The following PRMT8 variants were observed in gnomAD, a reference collection of about 807,000 sequenced individuals.
PRMT8 encodes the protein protein arginine methyltransferase 8, also known as protein arginine N-methyltransferase 8.
Under a neutral mutation model 47.1 loss-of-function variants are expected in PRMT8, and 7 were observed. The ratio of observed to expected loss-of-function variants is 0.15; its 90% CI spans 0.08 to 0.28. The LOEUF is 0.28. Ranked by LOEUF, PRMT8 falls within the 10% of genes least tolerant of loss-of-function variation. The probability of loss-of-function intolerance (pLI) is 1.00; values close to 1 mark genes in which losing one functional copy is unlikely to be tolerated. For synonymous variants in PRMT8, 188 were observed against 186.5 expected (o/e 1.01, Z -0.07); for missense variants, 237 against 505.4 (o/e 0.47, Z 5.09).
chr12:3,481,248 C>T (rs768137477), intron 1 of PRMT8, among the ~76,000 whole-genome samples: 5 of 152,208 alleles, frequency 3.3e-5, no homozygotes, highest in South Asian at 4.2e-4. Flanking sequence ...CTCTCCTCCC[C>T]CAAGGCTTCC....
intron 1 of PRMT8, among the ~76,000 whole-genome samples, chr12:3,400,380 C>T (rs193072503): frequency 8.5e-5 from 13 of 152,216 alleles, no homozygotes; most frequent in African/African-American, 2.6e-4. Flanking sequence ...AATATAAATA[C>T]CTCTATGCAC....
At chr12:3,536,062 A>G (rs1297867677) in intron 1 of PRMT8, among the ~76,000 whole-genome samples, 2 of 152,152 alleles carry the variant, frequency 1.3e-5, no homozygotes, top group Admixed American at 1.3e-4. Flanking sequence ...CTGGATTCCT[A>G]TAAGTGTTCC....
At chr12:3,412,222 T>C (rs1864438318) in intron 1 of PRMT8, among the ~76,000 whole-genome samples, 1 of 152,182 alleles carries the variant, frequency 6.6e-6, no homozygotes, top group African/African-American at 2.4e-5. Context: ...TATTTGTGTA[T>C]CAAAACATCA....
chr12:3,419,105 A>G (rs1275694859), intron 1 of PRMT8, among the ~76,000 whole-genome samples: 1 of 152,168 alleles, frequency 6.6e-6, no homozygotes, highest in African/African-American at 2.4e-5. Flanking sequence ...ACCTCCTCAA[A>G]TATTCGTCCA....
intron 4 of PRMT8, among the ~76,000 whole-genome samples, chr12:3,561,501 G>T (rs547649275): frequency 6.6e-6 from 1 of 152,244 alleles, no homozygotes; most frequent in East Asian, 1.9e-4. Flanking sequence ...TGACTAAGAC[G>T]CCCTGCAGAT....
intron 1 of PRMT8, among the ~76,000 whole-genome samples, chr12:3,523,287 C>G (rs1865907498): frequency 6.6e-6 from 1 of 152,146 alleles, no homozygotes; most frequent in Non-Finnish European, 1.5e-5. Flanking sequence ...TATAAGGGCC[C>G]TACGCCACCT....
intron 4 of PRMT8, among the ~76,000 whole-genome samples, chr12:3,568,012 T>C (rs945841914): frequency 9.4e-5 from 14 of 149,418 alleles, no homozygotes; most frequent in African/African-American, 1.5e-4. Flanking sequence ...GCGGAGGTTG[T>C]GGTGAGCAGA....
rs1000901123 is a variant in PRMT8, at chr12:3,535,906, G to T, written c.76-4700G>T. On this transcript the variant is annotated intron_variant, in intron 1 of 9. Coordinates refer to ENST00000382622, the MANE Select transcript of PRMT8 (RefSeq NM_019854.5). This position sits in a 1 kb window ranked among gnomAD's most constrained non-coding sequence, Gnocchi z 4.7. Reference sequence around the variant, plus strand: ...TCACCTTCACTCAGAGACTCTGCTTGCCTGGTGTGGCTTAGGGAGGAGTTG... The same window carrying T: ...TCACCTTCACTCAGAGACTCTGCTTTCCTGGTGTGGCTTAGGGAGGAGTTG... 3.9e-5 allele frequency among the ~76,000 whole-genome samples: 6 copies of T among 152,176 alleles called. No homozygotes were observed. Among genetic ancestry groups the T allele is most frequent in the African/African-American group, 1.4e-4 (6 of 41,448 alleles).
chr12:3,494,873 A>G lies in PRMT8; in HGVS notation c.75+3173A>G, dbSNP rs374616607. 9.4e-4 allele frequency among the ~76,000 whole-genome samples: 143 copies of G among 152,288 alleles called. 1 individual carries two copies. The highest frequency in any genetic ancestry group is 3.3e-3 in the African/African-American group (137 of 41,546). ...TAACTTGAGCTGATTCTCCTCATGG[A>G]ATAGGGCAGGTATGGGTATAAGGAA... On this transcript the variant is annotated intron_variant, in intron 1 of 9. Transcript: ENST00000382622.
At chr12:3,518,930 CAAAT>C (rs1339923370) in intron 1 of PRMT8, among the ~76,000 whole-genome samples, 2 of 151,896 alleles carry the variant, frequency 1.3e-5, no homozygotes, top group Admixed American at 6.6e-5. Flanking sequence ...AAAAAATTAA[CAAAT>C]AAAGTTTTAA....
At chr12:3,515,422 G>A (rs919989105) in intron 1 of PRMT8, among the ~76,000 whole-genome samples, 6 of 152,168 alleles carry the variant, frequency 3.9e-5, no homozygotes, top group African/African-American at 1.4e-4. Flanking sequence ...GCTAAATGAC[G>A]AGTTAATGGG....
rs755585849 is a variant in PRMT8, at chr12:3,569,530, T to C, written c.678T>C (p.Ile226=). 13 of 1,614,066 alleles carry C rather than the reference T, an allele frequency of 8.1e-6. No individual in the cohort carries two copies. The African/African-American group carries it at 1.7e-4, about 22-fold the overall frequency. The part of the protein sequence containing the change: ...PDRAALYVVA[I]EDRQYKDFKI... ...GGGCAGCTTTGTACGTGGTAGCGAT[T>C]GAAGACAGACAGTACAAGGACTTCA... The change falls in exon 6 of 10, where the codon ATT becomes ATC. Residue 226 remains isoleucine (I), a synonymous_variant. Transcript: ENST00000382622. This position sits in a 1 kb window ranked among gnomAD's most constrained non-coding sequence, Gnocchi z 8.2.
Position 3,593,225 on chromosome 12 carries a change from C to T in PRMT8, c.*43C>T. ...AGAGAGCAACGAGAAAAGGAACTCT[C>T]ACCTCGATCTGCCGTGCCGTCCCAA... On this transcript the variant is annotated 3_prime_UTR_variant, in exon 10 of 10. Coordinates refer to ENST00000382622, the MANE Select transcript of PRMT8 (RefSeq NM_019854.5). The surrounding 1 kb of genome is among the most constrained non-coding windows in gnomAD (Gnocchi z 4.8). The T allele has an allele frequency of 1.3e-6, 2 of 1,512,906 alleles. No individual in the cohort carries two copies. Among genetic ancestry groups the T allele is most frequent in the Non-Finnish European group, 1.8e-6 (2 of 1,092,210 alleles). 93.7% of individuals were successfully genotyped at this position (1,512,906 alleles called of 1,614,324 possible).
At position 3,557,152 on chromosome 12, in the gene PRMT8, C is replaced by T. The variant is rs186222234; in HGVS notation, c.481+3438C>T. 8.9e-4 allele frequency among the ~76,000 whole-genome samples: 135 copies of T among 152,100 alleles called. No homozygotes were observed. Among genetic ancestry groups the T allele is most frequent in the East Asian group, 1.5e-3 (8 of 5,170 alleles). ...TAGGCTGGGGGAGTGAGGATTGCTG[C>T]GATGTGTCTGATGCCTGTAGAGATG... On this transcript the variant is annotated intron_variant, in intron 4 of 9. Coordinates refer to ENST00000382622, the MANE Select transcript of PRMT8 (RefSeq NM_019854.5). This position sits in a 1 kb window ranked among gnomAD's most constrained non-coding sequence, Gnocchi z 4.7.
At position 3,540,618 on chromosome 12, in the gene PRMT8, C is replaced by CCGGG; in HGVS notation, c.89_90insGGGC (p.Ser31GlyfsTer12). The CCGGG allele has an allele frequency of 8.8e-7, 1 of 1,134,802 alleles. No homozygotes were observed. The allele number at this position is 1,134,802 out of a possible 1,614,324, so 70.3% of individuals were successfully genotyped here. On this transcript the variant is annotated frameshift_variant, in exon 2 of 10. Coordinates refer to ENST00000382622, the MANE Select transcript of PRMT8 (RefSeq NM_019854.5). LOFTEE classifies it high-confidence loss of function. ...CTCTTCCCCTCAGGTGAACAGCCCC[C>CCGGG]CCTCCCAGCCCCCCCAGCCCGTCGT... is the stretch of plus-strand genomic sequence containing the variant.
Position 3,409,016 on chromosome 12 carries a change from T to C in PRMT8, c.48+27574T>C, listed in dbSNP as rs1351944544. On this transcript the variant is annotated intron_variant, in intron 1 of 9. Transcript: ENST00000452611. This position sits in a 1 kb window ranked among gnomAD's most constrained non-coding sequence, Gnocchi z 4.4. ...TGTTGGGTTAGACATGGCCCACGAG[T>C]GGCTGCAGTGGTGCTGGGTTCTGGG... Among the ~76,000 whole-genome samples the C allele has an allele frequency of 6.6e-6, 1 of 152,068 alleles. No individual in the cohort carries two copies. The highest frequency in any genetic ancestry group is 6.6e-5 in the Admixed American group (1 of 15,258).
intron 1 of PRMT8, among the ~76,000 whole-genome samples, chr12:3,464,457 T>C (rs1054911869): frequency 2.6e-5 from 4 of 152,210 alleles, no homozygotes; most frequent in African/African-American, 9.7e-5. Context: ...TATCAAGACA[T>C]TACTCGTTCT....
At chr12:3,464,270 T>TA (rs372550984) in intron 1 of PRMT8, among the ~76,000 whole-genome samples, 5,470 of 129,186 alleles carry the variant, frequency 0.042, 128 homozygotes, top group Non-Finnish European at 0.052. Flanking sequence ...TGAATCCTGG[T>TA]AAAAAAAAAA....
intron 1 of PRMT8, among the ~76,000 whole-genome samples, chr12:3,400,980 C>G (rs1438552130): frequency 6.6e-6 from 1 of 151,772 alleles, no homozygotes; most frequent in Admixed American, 6.6e-5. Flanking sequence ...CCTGTCTCTA[C>G]TAAAAATACA....
Sources: allele counts gnomAD v4.1 joint callset (sites outside exome capture counted in the v4.1 genomes callset), GRCh38; gene constraint gnomAD v4.1.1; non-coding constraint Gnocchi (gnomAD v3.1); transcripts MANE v1.5; gene names NCBI Gene and HGNC (gene_info 2026-07-23, HGNC 2026-07-21).